The following KAZN variants were observed in gnomAD, a reference collection of about 807,000 sequenced individuals.
The protein encoded by KAZN is kazrin.
A neutral mutation model predicts 87.4 loss-of-function variants in KAZN; 40 were observed. The ratio of observed to expected loss-of-function variants is 0.46; its 90% CI spans 0.36 to 0.60. The LOEUF (loss-of-function observed/expected upper bound fraction) is 0.60. KAZN is among the 20% of genes least tolerant of loss of function. KAZN has a pLI of 0.00. For synonymous variants in KAZN, 466 were observed against 458.3 expected (o/e 1.02, Z -0.22); for missense variants, 898 against 1,073.9 (o/e 0.84, Z 2.29).
At position 14,155,762 on chromosome 1, in the gene KAZN, G is replaced by A. The variant is rs1391634699; in HGVS notation, c.92-24673G>A. On this transcript the variant is annotated intron_variant, in intron 1 of 16. Transcript: ENST00000636203. ...CCTCCCAGATACAAGTGATTCTCAT[G>A]TCTCAGCCTCCTGAGTATCTGGGAT... Among the ~76,000 whole-genome samples, 3 of 152,062 alleles carry A rather than the reference G, an allele frequency of 2.0e-5. No homozygotes were observed. The East Asian group carries it at 5.8e-4, about 29-fold the overall frequency.
chr1:14,263,954 T>G (rs1029152890), intron 2 of KAZN, among the ~76,000 whole-genome samples: 8 of 152,244 alleles, frequency 5.3e-5, no homozygotes, highest in Non-Finnish European at 1.0e-4. Context: ...CGTCAGCTCC[T>G]GGGCTATCTC....
At position 14,510,652 on chromosome 1, in the gene KAZN, A is replaced by AT. The variant is rs543504542; in HGVS notation, c.250-88325dup. 1.1e-4 allele frequency among the ~76,000 whole-genome samples: 17 copies of AT among 152,272 alleles called. No individual in the cohort carries two copies. The East Asian group carries it at 3.1e-3, about 28-fold the overall frequency. On this transcript the variant is annotated intron_variant, in intron 2 of 16. Transcript: ENST00000636203. The stretch of plus-strand genomic sequence containing the variant: ...CAGGGAGTGACATGAACTAATTTAC[A>AT]TTTTTTAAAGATTATCCTGGCTGCT...
intron 1 of KAZN, among the ~76,000 whole-genome samples, chr1:14,865,619 C>T (rs1427699844): frequency 6.6e-6 from 1 of 152,174 alleles, no homozygotes; most frequent in Non-Finnish European, 1.5e-5. Context: ...GCAATCCCTT[C>T]TACGACCACC....
intron 1 of KAZN, among the ~76,000 whole-genome samples, chr1:13,910,053 T>A (rs1272170113): frequency 6.6e-6 from 1 of 152,222 alleles, no homozygotes; most frequent in East Asian, 1.9e-4. Context: ...TTTAGATCTG[T>A]GTCCCCATCC....
At chr1:14,964,294 TC>T (rs1664204049) in intron 2 of KAZN, among the ~76,000 whole-genome samples, 1 of 152,200 alleles carries the variant, frequency 6.6e-6, no homozygotes. Flanking sequence ...AGTAGCTACT[TC>T]ATAGGATTGT....
chr1:14,662,371 G>A (rs138710914), intron 1 of KAZN, among the ~76,000 whole-genome samples: 1 of 152,128 alleles, frequency 6.6e-6, no homozygotes, highest in African/African-American at 2.4e-5. Flanking sequence ...AGCCCCAAGA[G>A]TGGGCAGAGA....
intron 1 of KAZN, among the ~76,000 whole-genome samples, chr1:14,042,355 A>G (rs1641874953): frequency 6.6e-6 from 1 of 152,176 alleles, no homozygotes. Flanking sequence ...CAGGAGGGCA[A>G]GAATACTATG....
chr1:14,432,515 C>T (rs535055684), intron 2 of KAZN, among the ~76,000 whole-genome samples: 17 of 152,132 alleles, frequency 1.1e-4, no homozygotes, highest in East Asian at 5.8e-4. Context: ...TAGTACTTGA[C>T]GAATCATTGC....
At chr1:14,656,216 T>G (rs1183446229) in intron 1 of KAZN, among the ~76,000 whole-genome samples, 1 of 152,184 alleles carries the variant, frequency 6.6e-6, no homozygotes, top group African/African-American at 2.4e-5. Flanking sequence ...CTTAAGGTAT[T>G]GCTGTCAGAT....
chr1:14,431,382 G>C (rs1365024495), intron 2 of KAZN, among the ~76,000 whole-genome samples: 2 of 152,192 alleles, frequency 1.3e-5, no homozygotes, highest in Non-Finnish European at 2.9e-5. Context: ...GTTTTTGGCT[G>C]TTCCAAGCCC....
intron 1 of KAZN, among the ~76,000 whole-genome samples, chr1:14,777,688 T>C (rs1266996051): frequency 6.6e-6 from 1 of 152,214 alleles, no homozygotes; most frequent in Non-Finnish European, 1.5e-5. Context: ...GCCTCCTCAT[T>C]GTCACTCGGG....
At chr1:14,340,881 A>G (rs868824459) in intron 2 of KAZN, among the ~76,000 whole-genome samples, 1 of 67,256 alleles carries the variant, frequency 1.5e-5, no homozygotes, top group Non-Finnish European at 2.7e-5. Context: ...AAGGGTCATG[A>G]TTTTCCCTTT....
At chr1:15,030,309 C>T (rs113831688) in intron 2 of KAZN, among the ~76,000 whole-genome samples, 1 of 152,158 alleles carries the variant, frequency 6.6e-6, no homozygotes, top group South Asian at 2.1e-4. Context: ...ACTCTGTCTC[C>T]CAGGTGGGAG....
chr1:13,894,183 C>G (rs372111457), intron 1 of KAZN, among the ~76,000 whole-genome samples: 3 of 152,090 alleles, frequency 2.0e-5, no homozygotes, highest in East Asian at 3.9e-4. Context: ...TAATCTATGC[C>G]CCCCCAGCCC....
At chr1:13,936,138 C>G (rs1640733161) in intron 1 of KAZN, among the ~76,000 whole-genome samples, 1 of 109,908 alleles carries the variant, frequency 9.1e-6, no homozygotes, top group Non-Finnish European at 1.7e-5. Context: ...CTCTTGTTGC[C>G]CAGGCTGGGG....
exon 1 of KAZN, chr1:13,893,462 A>T: frequency 1.3e-6 from 1 of 782,334 alleles, no homozygotes; most frequent in Non-Finnish European, 1.9e-6. Flanking sequence ...TTCATTTTTT[A>T]CTTGACTGGT....
At chr1:14,328,494 G>A (rs915025490) in intron 2 of KAZN, among the ~76,000 whole-genome samples, 1 of 152,102 alleles carries the variant, frequency 6.6e-6, no homozygotes, top group Non-Finnish European at 1.5e-5. Flanking sequence ...ATGAGGGCAG[G>A]AGATTGAGAC....
At chr1:14,897,271 G>T (rs990989931) in intron 1 of KAZN, among the ~76,000 whole-genome samples, 1 of 152,066 alleles carries the variant, frequency 6.6e-6, no homozygotes, top group Non-Finnish European at 1.5e-5. Flanking sequence ...GTGCAAATTG[G>T]GTCACATGCC....
At chr1:14,181,505 G>A (rs1046014414) in intron 2 of KAZN, among the ~76,000 whole-genome samples, 4 of 152,124 alleles carry the variant, frequency 2.6e-5, no homozygotes, top group Admixed American at 6.5e-5. Context: ...CCCGAAGCCC[G>A]GGTCTTGTAC....
Sources: gnomAD v4.1 joint callset for allele counts (sites outside exome capture counted in the v4.1 genomes callset) on GRCh38, gnomAD v4.1.1 for gene constraint, MANE v1.5 for transcripts, NCBI Gene and HGNC (gene_info 2026-07-23, HGNC 2026-07-21) for gene names.